Variants in TYW5 observed in about 807,000 individuals in gnomAD.
The protein encoded by TYW5 is tRNA wybutosine-synthesizing protein 5.
In TYW5, 36 loss-of-function variants were observed where a neutral mutation model predicts 44.4. That is an observed-to-expected ratio of 0.81 (90% CI 0.62 to 1.07). TYW5 has a LOEUF of 1.07. Among genes scored for constraint, TYW5 ranks in the 50% least tolerant of loss-of-function variants. The pLI is 0.00. For missense variants in TYW5, 354 were observed against 365.7 expected (o/e 0.97, Z 0.26); for synonymous variants, 121 against 128.1 (o/e 0.94, Z 0.37).
chr2:199,952,479 T>TC (rs1553571094), intron 1 of TYW5, among the ~76,000 whole-genome samples: 3 of 152,206 alleles, frequency 2.0e-5, no homozygotes, highest in Admixed American at 6.5e-5. Flanking sequence ...TAATGTTTTT[T>TC]CCCCCCTCAA....
In TYW5 at chr2:199,938,919, T is replaced by C. The variant is rs760127216; in HGVS notation, c.486+14A>G. The stretch of plus-strand genomic sequence containing the variant: ...ATCTATTGTAGCTTTAAATTTCTCA[T>C]TTATGTAGCATACATCATAATGAGT... On this transcript the variant is annotated intron_variant, in intron 5 of 7. Coordinates refer to ENST00000354611, the MANE Select transcript of TYW5 (RefSeq NM_001039693.3). The C allele has an allele frequency of 3.2e-6, 5 of 1,581,812 alleles. No homozygotes were observed. In the Admixed American group the frequency reaches 9.8e-5, roughly 31 times the overall value.
chr2:199,936,365 A>T (rs1407209836), intron 6 of TYW5, 40 bp downstream of exon 6: 2 of 1,524,038 alleles, frequency 1.3e-6, no homozygotes, highest in East Asian at 4.5e-5. Flanking sequence ...AGAGTAACTG[A>T]ATAGACTTTT....
At chr2:199,943,930 TA>T in intron 2 of TYW5, 96 bp from the exon 3 acceptor site, 1 of 790,642 alleles carries the variant, frequency 1.3e-6, no homozygotes, top group Non-Finnish European at 2.0e-6. Context: ...GAGTTGGATA[TA>T]ATCTCCTGTT....
chr2:199,951,004 C>G (rs1453689929), intron 1 of TYW5, among the ~76,000 whole-genome samples: 1 of 152,206 alleles, frequency 6.6e-6, no homozygotes, highest in African/African-American at 2.4e-5. Flanking sequence ...TGACCACTGT[C>G]ACATAACAAT....
rs920836935 is a variant in TYW5 at position 199,932,518 on chromosome 2, T to G, written c.*549A>C. ...ACAGGTCTAAGTTACTTTAGAGCAA[T>G]GAGACCTAAGGATATGGAAAGTGAA... On this transcript the variant is annotated 3_prime_UTR_variant, in exon 8 of 8. Coordinates refer to ENST00000354611, the MANE Select transcript of TYW5 (RefSeq NM_001039693.3). 1 of 154,890 alleles carries G rather than the reference T, an allele frequency of 6.5e-6. No individual in the cohort carries two copies. The highest frequency in any genetic ancestry group is 1.4e-5 in the Non-Finnish European group (1 of 69,726). 9.6% of individuals were successfully genotyped at this position (154,890 alleles called of 1,614,324 possible). A position where few individuals can be genotyped will look rare whatever the true frequency, so the allele number is the denominator to read the frequency against.
chr2:199,949,786 C>G (rs1416681153), intron 1 of TYW5, among the ~76,000 whole-genome samples: 2 of 152,148 alleles, frequency 1.3e-5, no homozygotes, highest in African/African-American at 4.8e-5. Flanking sequence ...TTTCTAAACT[C>G]CATCATTTCT....
intron 2 of TYW5, chr2:199,947,243 A>G (rs1177334066): frequency 1.3e-5 from 2 of 152,204 alleles, no homozygotes; most frequent in Non-Finnish European, 2.9e-5. Context: ...ACTCATCTCT[A>G]AATTGAAGTC....
In TYW5 at chr2:199,930,304, C is replaced by G. The variant is rs2077366034; in HGVS notation, c.*2763G>C. On this transcript the variant is annotated 3_prime_UTR_variant, in exon 8 of 8. Coordinates refer to ENST00000354611, the MANE Select transcript of TYW5 (RefSeq NM_001039693.3). ...AGTCCAAATAATACAAAACTAGATT[C>G]TAAGCAGCCCACCTAGTTGAACCTC... 1 of 152,134 alleles carries G rather than the reference C, an allele frequency of 6.6e-6. No homozygotes were observed. The highest frequency in any genetic ancestry group is 1.5e-5 in the Non-Finnish European group (1 of 68,022). The allele number at this position is 152,134 out of a possible 1,614,324, so 9.4% of individuals were successfully genotyped here.
At chr2:199,941,711 A>C (rs1279073001) in intron 3 of TYW5, among the ~76,000 whole-genome samples, 1 of 152,256 alleles carries the variant, frequency 6.6e-6, no homozygotes, top group African/African-American at 2.4e-5. Context: ...CACCAGACAC[A>C]GAAGTGCACT....
intron 3 of TYW5, 26 bp downstream of exon 3, chr2:199,943,739 C>A (rs1245775997): frequency 6.3e-7 from 1 of 1,584,652 alleles, no homozygotes; most frequent in Non-Finnish European, 8.6e-7. Context: ...TTAATGCCTT[C>A]TTTTAAAAAT....
Position 199,929,625 on chromosome 2 carries a change from G to GC in TYW5, c.*3441dup, listed in dbSNP as rs2105681899. ...ACTTTTTATAGGTGATAGAAAAGCC[G>GC]CCTTACTAAGGTTCTTTCCAAATGT... is the stretch of plus-strand genomic sequence containing the variant. On this transcript the variant is annotated 3_prime_UTR_variant, in exon 8 of 8. Transcript: ENST00000354611. 6.7e-6 allele frequency among the ~76,000 whole-genome samples: 1 copy of GC among 148,160 alleles called. No homozygotes were observed. Among genetic ancestry groups the GC allele is most frequent in the Admixed American group, 6.9e-5 (1 of 14,592 alleles).
chr2:199,940,174 C>A, intron 3 of TYW5, 41 bp from the exon 4 acceptor site: 1 of 1,582,430 alleles, frequency 6.3e-7, no homozygotes, highest in Non-Finnish European at 8.6e-7. Flanking sequence ...CAATATTTTA[C>A]TTTTTCAAAT....
Position 199,932,930 on chromosome 2 carries a change from A to G in TYW5, c.*137T>C. 1.0e-6 allele frequency: 1 copy of G among 965,872 alleles called. No homozygotes were observed. Among genetic ancestry groups the G allele is most frequent in the Non-Finnish European group, 1.5e-6 (1 of 664,044 alleles). 59.8% of individuals were successfully genotyped at this position (965,872 alleles called of 1,614,324 possible). ...TCTTTAATTATAACAATCTGTATCAAGTAGAATCCACACAAACACCCCTTC... is the reference window on the plus strand; with the variant it reads ...TCTTTAATTATAACAATCTGTATCAGGTAGAATCCACACAAACACCCCTTC... On this transcript the variant is annotated 3_prime_UTR_variant, in exon 8 of 8. Coordinates refer to ENST00000354611, the MANE Select transcript of TYW5 (RefSeq NM_001039693.3).
At chr2:199,950,898 C>G (rs923958131) in intron 1 of TYW5, among the ~76,000 whole-genome samples, 1 of 152,184 alleles carries the variant, frequency 6.6e-6, no homozygotes, top group Non-Finnish European at 1.5e-5. Context: ...ATCAGCAAAC[C>G]TGTCACACTT....
intron 3 of TYW5, among the ~76,000 whole-genome samples, chr2:199,941,716 T>C (rs895250890): frequency 3.9e-5 from 6 of 152,334 alleles, no homozygotes; most frequent in South Asian, 4.1e-4. Context: ...GACACAGAAG[T>C]GCACTGCTCA....
intron 1 of TYW5, among the ~76,000 whole-genome samples, chr2:199,953,802 T>C (rs1000400058): frequency 6.6e-6 from 1 of 152,210 alleles, no homozygotes; most frequent in African/African-American, 2.4e-5. Context: ...GAGAAAGTTG[T>C]TTGTAATTTT....
intron 1 of TYW5, among the ~76,000 whole-genome samples, chr2:199,953,880 C>CTCTTTTTTTTGCTATGA (rs2077569027): frequency 6.6e-6 from 1 of 152,132 alleles, no homozygotes; most frequent in African/African-American, 2.4e-5. Flanking sequence ...TTACAAAATA[C>CTCTTTTTTTTGCTATGA]CTTTTGCTAT....
chr2:199,943,502 T>C (rs936823396), intron 3 of TYW5: 3 of 308,356 alleles, frequency 9.7e-6, no homozygotes, highest in African/African-American at 6.5e-5. Flanking sequence ...TTTATTTAGT[T>C]AATCCTCACA....
chr2:199,937,506 TA>T (rs879407692), intron 5 of TYW5, among the ~76,000 whole-genome samples: 220 of 138,432 alleles, frequency 1.6e-3, no homozygotes, highest in Non-Finnish European at 1.5e-3. Flanking sequence ...ATACTAAAAA[TA>T]AAAAAAAAAA....
Sources: allele counts gnomAD v4.1 joint callset (sites outside exome capture counted in the v4.1 genomes callset), GRCh38; gene constraint gnomAD v4.1.1; transcripts MANE v1.5; gene names NCBI Gene and HGNC (gene_info 2026-07-23, HGNC 2026-07-21).